SGCD: variants seen among roughly 807,000 people sequenced by gnomAD.
The protein encoded by SGCD is delta-sarcoglycan.
A neutral mutation model predicts 36.6 loss-of-function variants in SGCD; 18 were observed. The ratio of observed to expected loss-of-function variants is 0.49; its 90% CI spans 0.34 to 0.73. SGCD has a LOEUF of 0.73. Ranked by LOEUF, SGCD falls within the 30% of genes least tolerant of loss-of-function variation. The probability of loss-of-function intolerance (pLI) is 0.01; values close to 1 mark genes in which losing one functional copy is unlikely to be tolerated. For missense variants in SGCD, 387 were observed against 346.7 expected (o/e 1.12, Z -0.92); for synonymous variants, 133 against 130.6 (o/e 1.02, Z -0.12).
chr5:156,283,314 A>G (rs1766504810), intron 3 of SGCD, among the ~76,000 whole-genome samples: 1 of 152,170 alleles, frequency 6.6e-6, no homozygotes, highest in Admixed American at 6.6e-5. Context: ...CCTTGCCCCA[A>G]ATTGAACTGT....
chr5:156,069,345 T>A (rs562023057), intron 1 of SGCD, among the ~76,000 whole-genome samples: 1 of 152,136 alleles, frequency 6.6e-6, no homozygotes, highest in Non-Finnish European at 1.5e-5. Flanking sequence ...CATATATGGC[T>A]AGCCAGTTTT....
intron 7 of SGCD, among the ~76,000 whole-genome samples, chr5:156,737,485 T>TA (rs1465941442): frequency 3.3e-5 from 5 of 152,232 alleles, no homozygotes; most frequent in Admixed American, 6.5e-5. Context: ...AAGTGGCTTT[T>TA]AAAAAATTAA....
In SGCD at chr5:156,229,297, T is replaced by TATATATATATATATAA. The variant is rs1554085621; in HGVS notation, c.-43-100234_-43-100233insTATATATATATAAATA. On this transcript the variant is annotated intron_variant, in intron 3 of 9. Coordinates refer to the SGCD transcript ENST00000517913. ...ACATACATATATATATATATATATA[T>TATATATATATATATAA]ATAAAATTAGTTCTTCCATTGGTTC... Among the ~76,000 whole-genome samples, 33 of 119,862 alleles carry TATATATATATATATAA rather than the reference T, an allele frequency of 2.8e-4. 2 individuals are homozygous for TATATATATATATATAA. Among genetic ancestry groups the TATATATATATATATAA allele is most frequent in the East Asian group, 9.6e-4 (4 of 4,148 alleles). 78.6% of individuals were successfully genotyped at this position (119,862 alleles called of 152,430 possible).
At chr5:155,932,346 A>T (rs2113393448) in intron 1 of SGCD, among the ~76,000 whole-genome samples, 1 of 152,274 alleles carries the variant, frequency 6.6e-6, no homozygotes, top group African/African-American at 2.4e-5. Flanking sequence ...TTGAGCTTGG[A>T]TACACTGGGT....
intron 6 of SGCD, among the ~76,000 whole-genome samples, chr5:156,604,726 A>ATATATTTATATATACATATATACACATTT (rs1761346732): frequency 9.1e-6 from 1 of 110,082 alleles, no homozygotes; most frequent in African/African-American, 3.4e-5. Flanking sequence ...TATGCACATT[A>ATATATTTATATATACATATATACACATTT]TATATGTATA....
chr5:155,817,311 A>G, the SGCD span, among the ~76,000 whole-genome samples: 1 of 152,012 alleles, frequency 6.6e-6, no homozygotes, highest in East Asian at 1.9e-4. Flanking sequence ...TGTAAGGGTT[A>G]GAACATTTTT....
chr5:156,163,130 C>G (rs114468395), intron 3 of SGCD, among the ~76,000 whole-genome samples: 2,607 of 151,740 alleles, frequency 0.017, 56 homozygotes, highest in Non-Finnish European at 0.026. Context: ...TCTCCTTTCT[C>G]TCATTGATCC....
At chr5:156,407,215 G>A (rs569788513) in intron 3 of SGCD, among the ~76,000 whole-genome samples, 1 of 152,264 alleles carries the variant, frequency 6.6e-6, no homozygotes, top group South Asian at 2.1e-4. Flanking sequence ...ATCCAAGCAA[G>A]TTCACACTCA....
At chr5:156,572,584 T>C (rs17640310) in intron 4 of SGCD, among the ~76,000 whole-genome samples, 1 of 152,094 alleles carries the variant, frequency 6.6e-6, no homozygotes, top group Admixed American at 6.6e-5. Context: ...CTCTCCAACC[T>C]GAAGTCTTTT....
intron 2 of SGCD, 85 bp from the exon 3 acceptor site, chr5:156,344,404 T>G (rs1768831004): frequency 2.2e-6 from 2 of 909,714 alleles, no homozygotes; most frequent in Non-Finnish European, 3.3e-6. Context: ...TATCTCTTCA[T>G]CAGTTGATTT....
At chr5:156,603,600 TG>T in intron 6 of SGCD, among the ~76,000 whole-genome samples, 1 of 152,088 alleles carries the variant, frequency 6.6e-6, no homozygotes, top group Non-Finnish European at 1.5e-5. Context: ...TCTCAGGCTT[TG>T]GCATGATGTG....
At chr5:156,417,300 A>G (rs1367236315) in intron 3 of SGCD, among the ~76,000 whole-genome samples, 5 of 152,204 alleles carry the variant, frequency 3.3e-5, no homozygotes, top group African/African-American at 9.7e-5. Context: ...TCAAGCAATA[A>G]GGCTGTTGCA....
intron 4 of SGCD, among the ~76,000 whole-genome samples, chr5:156,572,334 A>G (rs1759756401): frequency 6.6e-6 from 1 of 152,174 alleles, no homozygotes; most frequent in Non-Finnish European, 1.5e-5. Flanking sequence ...GCTGTTTTTC[A>G]TAGCAGTCGC....
chr5:156,380,565 T>A (rs531839695), intron 3 of SGCD, among the ~76,000 whole-genome samples: 2 of 152,192 alleles, frequency 1.3e-5, no homozygotes, highest in African/African-American at 4.8e-5. Flanking sequence ...TTCACTTGTG[T>A]TTAGAAGTAG....
At chr5:156,336,559 G>C (rs148816048) in intron 2 of SGCD, among the ~76,000 whole-genome samples, 2 of 151,840 alleles carry the variant, frequency 1.3e-5, no homozygotes, top group East Asian at 3.9e-4. Context: ...ATGTTTTTAT[G>C]GGACTATCAG....
chr5:156,628,185 T>A (rs182707349), intron 6 of SGCD, among the ~76,000 whole-genome samples: 2 of 152,250 alleles, frequency 1.3e-5, no homozygotes, highest in East Asian at 3.9e-4. Context: ...CTCACTGTCA[T>A]GAAGACAGTA....
intron 4 of SGCD, among the ~76,000 whole-genome samples, chr5:156,544,343 T>C (rs1758474369): frequency 6.6e-6 from 1 of 152,158 alleles, no homozygotes; most frequent in Non-Finnish European, 1.5e-5. Context: ...TACCTCTCAA[T>C]TGAATAAGAG....
intron 3 of SGCD, among the ~76,000 whole-genome samples, chr5:156,156,690 T>G (rs185839432): frequency 2.0e-5 from 3 of 151,510 alleles, no homozygotes; most frequent in African/African-American, 7.3e-5. Flanking sequence ...AATTAGAGAT[T>G]CCAGGGGTGG....
intron 7 of SGCD, among the ~76,000 whole-genome samples, chr5:156,657,871 T>C (rs1236095288): frequency 8.1e-6 from 1 of 122,704 alleles, no homozygotes; most frequent in East Asian, 2.4e-4. Flanking sequence ...TGAGTTCCCT[T>C]AGTATTTATT....
Sources: allele counts gnomAD v4.1 joint callset (sites outside exome capture counted in the v4.1 genomes callset), GRCh38; gene constraint gnomAD v4.1.1; transcripts MANE v1.5; gene names NCBI Gene and HGNC (gene_info 2026-07-23, HGNC 2026-07-21).